Variants in IBTK observed in about 807,000 individuals in gnomAD.
IBTK encodes the protein inhibitor of Bruton tyrosine kinase.
A neutral mutation model predicts 154.9 loss-of-function variants in IBTK; 83 were observed. That is an observed-to-expected ratio of 0.54 (90% CI 0.45 to 0.64). IBTK has a LOEUF of 0.64. IBTK is among the 30% of genes least tolerant of loss of function. The pLI is 0.00. For synonymous variants in IBTK, 515 were observed against 536.1 expected (o/e 0.96, Z 0.54); for missense variants, 1,332 against 1,584.6 (o/e 0.84, Z 2.71).
intron 25 of IBTK, among the ~76,000 whole-genome samples, chr6:82,190,486 T>C (rs1039591137): frequency 6.6e-6 from 1 of 152,184 alleles, no homozygotes; most frequent in Non-Finnish European, 1.5e-5. Context: ...CTATTTTACA[T>C]ATCTCAAAAT....
At chr6:82,173,554 G>A in intron 26 of IBTK, 116 bp from the exon 27 acceptor site, 4 of 697,694 alleles carry the variant, frequency 5.7e-6, no homozygotes, top group South Asian at 2.0e-5. Flanking sequence ...CAAATTAAAT[G>A]AGTGCAGTCA....
chr6:82,175,671 T>C (rs140616739), intron 26 of IBTK, among the ~76,000 whole-genome samples: 1 of 152,356 alleles, frequency 6.6e-6, no homozygotes, highest in Non-Finnish European at 1.5e-5. Context: ...AGACAATCTG[T>C]AGAAAATTTA....
rs530857869 is a variant in IBTK at position 82,204,938 on chromosome 6, T to A, written c.2530A>T (p.Ile844Phe). 35 of 1,599,080 alleles carry A rather than the reference T, an allele frequency of 2.2e-5. No homozygotes were observed. The African/African-American group carries it at 4.6e-4, about 21-fold the overall frequency. ...VIKESQNVDF[I>F]CSVLVVADQL... The stretch of plus-strand genomic sequence containing the variant: ...TCAGCCACCACAAGAACACTACAAA[T>A]AAAATCTACATTTTGAGATTCTAAA... Residue 844 changes from isoleucine to phenylalanine, a missense_variant, in exon 17 of 29, where the codon ATT becomes TTT. Ile to Phe is a conservative substitution (Grantham distance 21). Coordinates refer to ENST00000306270, the MANE Select transcript of IBTK (RefSeq NM_015525.4).
intron 1 of IBTK, among the ~76,000 whole-genome samples, chr6:82,246,007 T>C (rs143841995): frequency 6.6e-6 from 1 of 152,164 alleles, no homozygotes; most frequent in East Asian, 1.9e-4. Context: ...ATAAATATAA[T>C]CCTTATTATT....
At chr6:82,173,020 GAGACAGAGTCTCAC>G (rs1767986523) in intron 27 of IBTK, 5 of 36,774 alleles carry the variant, frequency 1.4e-4, no homozygotes, top group Admixed American at 6.2e-4. Flanking sequence ...TTTTTTTTTT[GAGACAGAGTCTCAC>G]TGTGTCGCCC....
rs1769207840 is a variant in IBTK at position 82,201,462 on chromosome 6, T to C, written c.2750A>G (p.Asp917Gly). The change falls in exon 19 of 29, where the codon GAT becomes GGT. Residue 917 changes from aspartate (D) to glycine (G), a missense_variant. Physicochemically the swap from Asp to Gly is moderately conservative, Grantham distance 94. Around this residue, in one of 3 missense-constraint regions of IBTK, gnomAD observed 1,134 missense variants for 1,274.7 expected, o/e 0.89. Coordinates refer to ENST00000306270, the MANE Select transcript of IBTK (RefSeq NM_015525.4). ...LEARSLDVLS[D>G]GVLKDLSEFY... is the part of the protein sequence containing the mutation. ...CTCAGAAAGATCCTTCAAAACACCATCGCTTAAAACATCAAGAGACCTAAA... is the reference window on the plus strand; with the variant it reads ...CTCAGAAAGATCCTTCAAAACACCACCGCTTAAAACATCAAGAGACCTAAA... 6.2e-7 allele frequency: 1 copy of C among 1,608,118 alleles called. No individual in the cohort carries two copies. Among genetic ancestry groups the C allele is most frequent in the Non-Finnish European group, 8.5e-7 (1 of 1,176,892 alleles).
At chr6:82,231,080 T>C (rs1373754501) in intron 4 of IBTK, among the ~76,000 whole-genome samples, 1 of 152,150 alleles carries the variant, frequency 6.6e-6, no homozygotes, top group Non-Finnish European at 1.5e-5. Context: ...TTTAATTATT[T>C]ATTGCTTGTC....
In IBTK at chr6:82,214,368, C is replaced by G; in HGVS notation, c.2063G>C (p.Ser688Thr). ...NQKSAFEVYK[S>T]NQAQTVSERQ... ...CTCACTAACTGTTTGAGCTTGATTA[C>G]TTTTGTAAACTTCAAATGCAGACTT... Residue 688 changes from serine (S) to threonine (T), a missense_variant, in exon 12 of 29, where the codon AGT (serine) becomes ACT (threonine). Coordinates refer to ENST00000306270, the MANE Select transcript of IBTK (RefSeq NM_015525.4). 1 of 1,614,034 alleles carries G rather than the reference C, an allele frequency of 6.2e-7. No homozygotes were observed. Among genetic ancestry groups the G allele is most frequent in the Non-Finnish European group, 8.5e-7 (1 of 1,179,996 alleles).
In IBTK at chr6:82,234,274, CA is replaced by C. The variant is rs1562106362; in HGVS notation, c.322-20del. On this transcript the variant is annotated intron_variant, in intron 2 of 28. Coordinates refer to ENST00000306270, the MANE Select transcript of IBTK (RefSeq NM_015525.4). ...CACCATGCTAAAACAAACAAACAAA[CA>C]AATACATAAATATATATATATTATT... 1.9e-6 allele frequency: 2 copies of C among 1,028,866 alleles called. No individual in the cohort carries two copies. The highest frequency in any genetic ancestry group is 2.8e-6 in the Non-Finnish European group (2 of 714,940). The allele number at this position is 1,028,866 out of a possible 1,614,324, so 63.7% of individuals were successfully genotyped here. A position where few individuals can be genotyped will look rare whatever the true frequency, so the allele number is the denominator to read the frequency against.
chr6:82,240,653 AT>A lies in IBTK; in HGVS notation c.-168del. ...GTATAAAACTATATATCTTTATACA[AT>A]TTTTTGGCACTTAAATCAAAAAAAT... On this transcript the variant is annotated 5_prime_UTR_variant, in exon 2 of 29. Coordinates refer to ENST00000306270, the MANE Select transcript of IBTK (RefSeq NM_015525.4). The A allele has an allele frequency of 5.6e-6, 3 of 537,670 alleles. No individual in the cohort carries two copies. The highest frequency in any genetic ancestry group is 4.5e-4 in the Middle Eastern group (1 of 2,240). The allele number at this position is 537,670 out of a possible 1,614,324, so 33.3% of individuals were successfully genotyped here. A position where few individuals can be genotyped will look rare whatever the true frequency, so the allele number is the denominator to read the frequency against.
chr6:82,202,774 A>C, intron 17 of IBTK, 129 bp from the exon 18 acceptor site: 1 of 569,042 alleles, frequency 1.8e-6, no homozygotes, highest in South Asian at 2.5e-5. Flanking sequence ...TCTTGCCAAA[A>C]ATAAGTTAAT....
chr6:82,223,185 T>A (rs1302894557), intron 8 of IBTK, among the ~76,000 whole-genome samples: 1 of 151,098 alleles, frequency 6.6e-6, no homozygotes, highest in Non-Finnish European at 1.5e-5. Context: ...AAGAAAAAAA[T>A]ATATAGCTCA....
chr6:82,203,229 G>T (rs1769277762), intron 17 of IBTK, among the ~76,000 whole-genome samples: 1 of 151,936 alleles, frequency 6.6e-6, no homozygotes, highest in African/African-American at 2.4e-5. Flanking sequence ...GATATACTGT[G>T]CAAAAGATTC....
At chr6:82,241,263 TC>T (rs1462033616) in intron 1 of IBTK, among the ~76,000 whole-genome samples, 4 of 152,080 alleles carry the variant, frequency 2.6e-5, no homozygotes, top group African/African-American at 9.7e-5. Flanking sequence ...ACTAGTTATG[TC>T]CCCACAAGCT....
At chr6:82,181,777 A>G in intron 26 of IBTK, 102 bp downstream of exon 26, 1 of 791,862 alleles carries the variant, frequency 1.3e-6, no homozygotes, top group Non-Finnish European at 1.9e-6. Context: ...AGAGTGTACA[A>G]AAAATCTGCC....
intron 2 of IBTK, among the ~76,000 whole-genome samples, chr6:82,234,629 C>A (rs1165441848): frequency 6.6e-6 from 1 of 151,936 alleles, no homozygotes; most frequent in African/African-American, 2.4e-5. Flanking sequence ...AGCCACCACA[C>A]CTGGCCGACT....
At chr6:82,215,278 C>T (rs980578067) in intron 11 of IBTK, among the ~76,000 whole-genome samples, 4 of 152,084 alleles carry the variant, frequency 2.6e-5, no homozygotes, top group Non-Finnish European at 5.9e-5. Flanking sequence ...AGAATTTCCT[C>T]CCTCTTCAAC....
rs541464967 is a variant in IBTK, at chr6:82,200,788, A to T, written c.2791-80T>A. ...TTTTTTTTTTTTTTTTTTTGTGCAC[A>T]CGTGGCTCTTGCCATGTTGGCCAGG... is the stretch of plus-strand genomic sequence containing the variant. On this transcript the variant is annotated intron_variant, in intron 19 of 28. Coordinates refer to ENST00000306270, the MANE Select transcript of IBTK (RefSeq NM_015525.4). The T allele has an allele frequency of 6.0e-5, 78 of 1,310,832 alleles. 1 individual carries two copies. In the African/African-American group the frequency reaches 1.3e-3, roughly 22 times the overall value. 81.2% of individuals were successfully genotyped at this position (1,310,832 alleles called of 1,614,324 possible). A position where few individuals can be genotyped will look rare whatever the true frequency, so the allele number is the denominator to read the frequency against.
At chr6:82,172,609 C>T in intron 27 of IBTK, 97 bp from the exon 28 acceptor site, 1 of 1,103,520 alleles carries the variant, frequency 9.1e-7, no homozygotes, top group Non-Finnish European at 1.3e-6. Flanking sequence ...CAATTCTTTC[C>T]AGTGACCTAC....
Sources: allele counts gnomAD v4.1 joint callset (sites outside exome capture counted in the v4.1 genomes callset), GRCh38; gene constraint gnomAD v4.1.1; regional missense constraint gnomAD v4.1.1; transcripts MANE v1.5; gene names NCBI Gene and HGNC (gene_info 2026-07-23, HGNC 2026-07-21).